The following BACH2 variants were observed in gnomAD, a reference collection of about 807,000 sequenced individuals.
BACH2 encodes transcription regulator protein BACH2.
Under a neutral mutation model 61.8 loss-of-function variants are expected in BACH2, and 5 were observed. That is an observed-to-expected ratio of 0.08 (90% CI 0.04 to 0.17). The LOEUF (loss-of-function observed/expected upper bound fraction) is 0.17. Among genes scored for constraint, BACH2 ranks in the 10% least tolerant of loss-of-function variants. The pLI, the probability that BACH2 is intolerant of heterozygous loss-of-function variation, is 1.00. For synonymous variants in BACH2, 446 were observed against 440.1 expected, an observed-to-expected ratio of 1.01 and a Z score of -0.17; for missense variants, 824 against 1,091.1, an observed-to-expected ratio of 0.76 and a Z score of 3.45.
Position 89,951,641 on chromosome 6 carries a change from G to C in BACH2, c.465C>G (p.Asp155Glu). 6.2e-7 allele frequency: 1 copy of C among 1,614,224 alleles called. No individual in the cohort carries two copies. The highest frequency in any genetic ancestry group is 8.5e-7 in the Non-Finnish European group (1 of 1,180,046). Reference protein sequence around the residue: ...KDAACQRPHEDCENSAGEEED... With the variant: ...KDAACQRPHEECENSAGEEED... ...CCTCCTCTCCTGCAGAGTTCTCGCA[G>C]TCCTCGTGTGGGCGCTGGCACGCAG... Residue 155 changes from aspartate (D) to glutamate (E), a missense_variant, in exon 7 of 9, where the codon GAC (aspartate) becomes GAG (glutamate). Around this residue, in one of 8 missense-constraint regions of BACH2, gnomAD observed 107 missense variants for 121.7 expected, o/e 0.88. Transcript: ENST00000257749. The surrounding 1 kb of genome is among the most constrained non-coding windows in gnomAD (Gnocchi z 6.4).
chr6:90,201,145 T>A (rs1768943408), intron 4 of BACH2, among the ~76,000 whole-genome samples: 1 of 152,224 alleles, frequency 6.6e-6, no homozygotes, highest in Non-Finnish European at 1.5e-5. Context: ...TTAAGAATAT[T>A]GTGATGAACA....
chr6:90,109,599 T>C (rs1239365163), intron 4 of BACH2, among the ~76,000 whole-genome samples: 2 of 152,214 alleles, frequency 1.3e-5, no homozygotes, highest in East Asian at 3.8e-4. Context: ...GCACCTGAAC[T>C]TGTATATTCA....
intron 3 of BACH2, among the ~76,000 whole-genome samples, chr6:90,224,323 A>C (rs145281903): frequency 4.3e-4 from 65 of 152,312 alleles, no homozygotes; most frequent in African/African-American, 1.5e-3. Flanking sequence ...CTTATTGTAC[A>C]ACTAGCCATT....
chr6:89,992,620 CA>C (rs1169761391), intron 6 of BACH2, among the ~76,000 whole-genome samples: 2 of 151,990 alleles, frequency 1.3e-5, no homozygotes, highest in Non-Finnish European at 2.9e-5. Flanking sequence ...CCAGCCTGGG[CA>C]ACAAGAGCAA....
intron 4 of BACH2, among the ~76,000 whole-genome samples, chr6:90,183,151 A>C (rs889179555): frequency 6.6e-6 from 1 of 152,200 alleles, no homozygotes; most frequent in Non-Finnish European, 1.5e-5. Flanking sequence ...ACTAATTCAG[A>C]CCAACCTTTA....
intron 5 of BACH2, among the ~76,000 whole-genome samples, chr6:90,074,277 T>C (rs974859311): frequency 1.2e-4 from 18 of 152,230 alleles, no homozygotes; most frequent in Admixed American, 7.2e-4. Context: ...TATAGCCTTA[T>C]GTCATATGTG....
chr6:90,070,094 C>T (rs1208513374), intron 5 of BACH2, among the ~76,000 whole-genome samples: 4 of 152,072 alleles, frequency 2.6e-5, no homozygotes, highest in Non-Finnish European at 5.9e-5. Context: ...TCAAAGCCAC[C>T]TGCAAGGAAG....
In BACH2 at chr6:90,081,056, C is replaced by T. The variant is rs78319034; in HGVS notation, c.-13+7905G>A. 4.3e-4 allele frequency among the ~76,000 whole-genome samples: 66 copies of T among 152,150 alleles called. No individual in the cohort carries two copies. The East Asian group carries it at 0.01, about 24-fold the overall frequency. On this transcript the variant is annotated intron_variant, in intron 5 of 8. Transcript: ENST00000257749. ...TGTGACAAGGTAGGAGGGGTCTGAA[C>T]GCAGCGAAAGCAAAACTTTTATGTG...
intron 4 of BACH2, among the ~76,000 whole-genome samples, chr6:90,168,099 C>T (rs775935074): frequency 9.2e-5 from 14 of 152,188 alleles, no homozygotes; most frequent in Non-Finnish European, 1.0e-4. Flanking sequence ...TGCTGCACGC[C>T]TGTAATCTCA....
chr6:90,094,113 A>C (rs1418949708), intron 4 of BACH2, among the ~76,000 whole-genome samples: 1 of 152,248 alleles, frequency 6.6e-6, no homozygotes, highest in Admixed American at 6.5e-5. Flanking sequence ...CGCATTCTGA[A>C]GCTAAGAAAA....
Position 90,283,374 on chromosome 6 carries a change from C to A in BACH2, c.-445-11433G>T, listed in dbSNP as rs1771916247. Among the ~76,000 whole-genome samples, 3 of 145,014 alleles carry A rather than the reference C, an allele frequency of 2.1e-5. No homozygotes were observed. In the South Asian group the frequency reaches 6.6e-4, roughly 32 times the overall value. ...AACAATAAGTGAAAGACCCCTCATG[C>A]TTTTTTTTTTTTCTTTTTTGAGATG... On this transcript the variant is annotated intron_variant, in intron 1 of 8. Transcript: ENST00000257749.
intron 2 of BACH2, among the ~76,000 whole-genome samples, 193 bp from the exon 3 acceptor site, chr6:90,252,783 T>C (rs1290320728): frequency 2.0e-5 from 3 of 152,230 alleles, no homozygotes; most frequent in African/African-American, 7.2e-5. Context: ...TCAAGTTTAC[T>C]AGGCTCAAAT....
At position 90,207,709 on chromosome 6, in the gene BACH2, T is replaced by C. The variant is rs538897154; in HGVS notation, c.-274-1028A>G. On this transcript the variant is annotated intron_variant, in intron 3 of 8. Transcript: ENST00000257749. The stretch of plus-strand genomic sequence containing the variant: ...TTTTAATTATAATATATTAAGACTA[T>C]AGAAAATGTTCAACAGGAAAAGAAA... Among the ~76,000 whole-genome samples, 18 of 152,174 alleles carry C rather than the reference T, an allele frequency of 1.2e-4. No individual in the cohort carries two copies. In the South Asian group the frequency reaches 2.1e-3, roughly 18 times the overall value.
At chr6:90,169,180 AAAG>A (rs1767728996) in intron 4 of BACH2, among the ~76,000 whole-genome samples, 2 of 152,092 alleles carry the variant, frequency 1.3e-5, no homozygotes, top group Non-Finnish European at 2.9e-5. Flanking sequence ...AAAAAAAAAA[AAAG>A]ATTTTCTGAA....
At position 89,931,983 on chromosome 6, in the gene BACH2, T is replaced by A. The variant is rs1212666670; in HGVS notation, c.*425A>T. On this transcript the variant is annotated 3_prime_UTR_variant, in exon 9 of 9. Coordinates refer to ENST00000257749, the MANE Select transcript of BACH2 (RefSeq NM_021813.4). ...TTTTATATATATATTATATATAATA[T>A]GTACAGTCTAGCTATAAAACTTTGA... is the stretch of plus-strand genomic sequence containing the variant. 1 of 150,188 alleles carries A rather than the reference T, an allele frequency of 6.7e-6. No individual in the cohort carries two copies. Among genetic ancestry groups the A allele is most frequent in the African/African-American group, 2.4e-5 (1 of 40,858 alleles). 9.3% of individuals were successfully genotyped at this position (150,188 alleles called of 1,614,324 possible). A position where few individuals can be genotyped will look rare whatever the true frequency, so the allele number is the denominator to read the frequency against.
intron 5 of BACH2, among the ~76,000 whole-genome samples, chr6:90,064,731 G>C (rs1209867356): frequency 6.6e-6 from 1 of 152,192 alleles, no homozygotes; most frequent in African/African-American, 2.4e-5. Flanking sequence ...GAATCCTAGA[G>C]AGAAAGCCCA....
At chr6:90,182,668 A>T (rs1768209752) in intron 4 of BACH2, among the ~76,000 whole-genome samples, 2 of 152,206 alleles carry the variant, frequency 1.3e-5, no homozygotes, top group South Asian at 4.1e-4. Context: ...TTAATTCACA[A>T]GGTAAATAAG....
intron 5 of BACH2, among the ~76,000 whole-genome samples, chr6:90,023,820 A>C (rs1378302140): frequency 6.6e-6 from 1 of 152,214 alleles, no homozygotes; most frequent in Non-Finnish European, 1.5e-5. Flanking sequence ...GACAGCCCTT[A>C]CCAAGAACTG....
At chr6:90,100,704 C>CACACACATACACACACACACAG (rs758094165) in intron 4 of BACH2, among the ~76,000 whole-genome samples, 4,939 of 66,286 alleles carry the variant, frequency 0.075, 123 homozygotes, top group South Asian at 0.17. Flanking sequence ...CACACACAGA[C>CACACACATACACACACACACAG]ACACACACAC....
Sources: gnomAD v4.1 joint callset for allele counts (sites outside exome capture counted in the v4.1 genomes callset) on GRCh38, gnomAD v4.1.1 for gene constraint, gnomAD v4.1.1 regional missense constraint, Gnocchi (gnomAD v3.1) non-coding constraint, MANE v1.5 for transcripts, NCBI Gene and HGNC (gene_info 2026-07-23, HGNC 2026-07-21) for gene names.